Variants in AGO3 observed in about 807,000 individuals in gnomAD.
AGO3 encodes protein argonaute-3.
AGO3 carries 16 observed loss-of-function variants against 105.5 expected under a neutral mutation model. The ratio of observed to expected loss-of-function variants is 0.15; its 90% CI spans 0.10 to 0.23. The LOEUF is 0.23. AGO3 is among the 10% of genes least tolerant of loss of function. The probability of loss-of-function intolerance (pLI) is 1.00; values close to 1 mark genes in which losing one functional copy is unlikely to be tolerated. For synonymous variants in AGO3, 340 were observed against 367.3 expected (o/e 0.93, Z 0.85); for missense variants, 534 against 1,088.0 (o/e 0.49, Z 7.16).
chr1:36,049,158 A>G (rs1176383153), intron 17 of AGO3, among the ~76,000 whole-genome samples: 1 of 152,214 alleles, frequency 6.6e-6, no homozygotes, highest in Non-Finnish European at 1.5e-5. Context: ...TTGAGCACAC[A>G]TGGACATAAC....
intron 11 of AGO3, among the ~76,000 whole-genome samples, chr1:36,025,880 A>T (rs1173549544): frequency 2.6e-5 from 4 of 152,104 alleles, no homozygotes; most frequent in African/African-American, 9.7e-5. Flanking sequence ...TCTACTAAAA[A>T]TACAAAAATT....
rs550033522 is a variant in AGO3 at position 35,983,934 on chromosome 1, A to ATGGTGGGAGCTGAAAGTAAGAG, written c.658+10426_658+10447dup. On this transcript the variant is annotated intron_variant, in intron 5 of 18. Coordinates refer to ENST00000373191, the MANE Select transcript of AGO3 (RefSeq NM_024852.4). Reference sequence around the variant, plus strand: ...AGAAATTTAGGTATGAAAATCTATAATGGTGGGAGCTGAAAGTAAGAGTGT... The same window carrying ATGGTGGGAGCTGAAAGTAAGAG: ...AGAAATTTAGGTATGAAAATCTATAATGGTGGGAGCTGAAAGTAAGAGTGGTGGGAGCTGAAAGTAAGAGTGT... 2.8e-4 allele frequency among the ~76,000 whole-genome samples: 43 copies of ATGGTGGGAGCTGAAAGTAAGAG among 152,334 alleles called. No homozygotes were observed. In the East Asian group the frequency reaches 8.1e-3, roughly 29 times the overall value.
chr1:35,956,207 C>A (rs1453808444), intron 2 of AGO3, among the ~76,000 whole-genome samples: 1 of 152,002 alleles, frequency 6.6e-6, no homozygotes, highest in Non-Finnish European at 1.5e-5. Context: ...AAAGAATGAA[C>A]AATTTAGGTA....
At chr1:35,990,607 A>G (rs1557668924) in intron 5 of AGO3, among the ~76,000 whole-genome samples, 1 of 152,260 alleles carries the variant, frequency 6.6e-6, no homozygotes, top group Admixed American at 6.5e-5. Context: ...AAGTAGGCAG[A>G]ATATGTAAAT....
intron 11 of AGO3, among the ~76,000 whole-genome samples, chr1:36,019,191 A>T (rs1468513380): frequency 6.6e-6 from 1 of 152,124 alleles, no homozygotes; most frequent in Admixed American, 6.6e-5. Context: ...GTGAAAATAC[A>T]CTTTGGCATA....
intron 2 of AGO3, among the ~76,000 whole-genome samples, chr1:35,959,660 C>T (rs1458358058): frequency 6.6e-6 from 1 of 152,046 alleles, no homozygotes; most frequent in Non-Finnish European, 1.5e-5. Context: ...TGTATTTGAA[C>T]AAAAGATTCC....
chr1:36,005,648 T>C, intron 6 of AGO3: 1 of 904,758 alleles, frequency 1.1e-6, no homozygotes. Flanking sequence ...TTACCACCTC[T>C]GATATCATGA....
At chr1:35,942,036 A>G (rs1253675871) in intron 1 of AGO3, among the ~76,000 whole-genome samples, 9 of 152,226 alleles carry the variant, frequency 5.9e-5, no homozygotes, top group Non-Finnish European at 1.2e-4. Flanking sequence ...GTGACAGTCA[A>G]ATGATTAGAT....
rs1447551595 is a variant in AGO3, at chr1:36,066,041, A to T, written c.*10296A>T. On this transcript the variant is annotated 3_prime_UTR_variant, in exon 19 of 19. Coordinates refer to ENST00000373191, the MANE Select transcript of AGO3 (RefSeq NM_024852.4). ...GGCAACAGAGTGAGACTCTGTCTCA[A>T]AAAAAAAAAAAAATCGTTGTGCAGT... The T allele has an allele frequency of 6.8e-6, 1 of 147,798 alleles. No homozygotes were observed. The highest frequency in any genetic ancestry group is 1.5e-5 in the Non-Finnish European group (1 of 66,886). The allele number at this position is 147,798 out of a possible 1,614,324, so 9.2% of individuals were successfully genotyped here.
intron 5 of AGO3, among the ~76,000 whole-genome samples, chr1:35,983,796 G>C (rs746966490): frequency 1.1e-4 from 17 of 152,152 alleles, no homozygotes; most frequent in Non-Finnish European, 7.3e-5. Context: ...TGAATATGGA[G>C]GTAGATCTGC....
chr1:36,050,628 C>T (rs1569947686), intron 17 of AGO3, among the ~76,000 whole-genome samples: 3 of 151,508 alleles, frequency 2.0e-5, no homozygotes, highest in Non-Finnish European at 4.4e-5. Context: ...CCCGTCTCTA[C>T]TAAAAATACA....
chr1:35,960,965 A>G lies in AGO3; in HGVS notation c.192-5990A>G, dbSNP rs182216554. On this transcript the variant is annotated intron_variant, in intron 2 of 18. Transcript: ENST00000373191. ...TTTTTTATTTTTATTTTTTTTTGAG[A>G]TGGAGTCTCGCTCTGATGCCCAGGG... Among the ~76,000 whole-genome samples the G allele has an allele frequency of 6.2e-5, 9 of 145,130 alleles. No homozygotes were observed. In the East Asian group the frequency reaches 1.8e-3, roughly 29 times the overall value.
intron 5 of AGO3, among the ~76,000 whole-genome samples, chr1:35,980,637 C>A (rs1169644063): frequency 6.6e-6 from 1 of 152,148 alleles, no homozygotes; most frequent in Non-Finnish European, 1.5e-5. Flanking sequence ...CACACTTTTT[C>A]CTTGAGTACC....
At chr1:35,975,592 G>A in intron 5 of AGO3, among the ~76,000 whole-genome samples, 1 of 151,868 alleles carries the variant, frequency 6.6e-6, no homozygotes, top group East Asian at 1.9e-4. Flanking sequence ...TTGTATGTTG[G>A]TGTGTGCACA....
At chr1:36,053,560 C>G (rs984850106) in intron 17 of AGO3, among the ~76,000 whole-genome samples, 4 of 151,828 alleles carry the variant, frequency 2.6e-5, no homozygotes, top group Non-Finnish European at 5.9e-5. Flanking sequence ...CAGGTGTGAG[C>G]CACCACACCC....
At chr1:36,032,970 CA>C (rs1247853406) in intron 12 of AGO3, among the ~76,000 whole-genome samples, 122 of 141,794 alleles carry the variant, frequency 8.6e-4, no homozygotes, top group Non-Finnish European at 7.8e-4. Flanking sequence ...ACTAAAAATA[CA>C]AAAAAAAAAA....
At chr1:35,950,035 A>G (rs1646440592) in intron 2 of AGO3, among the ~76,000 whole-genome samples, 1 of 152,158 alleles carries the variant, frequency 6.6e-6, no homozygotes, top group African/African-American at 2.4e-5. Context: ...ATCCTGGCCA[A>G]CATGGTGAAA....
At chr1:35,997,274 A>AT in intron 5 of AGO3, among the ~76,000 whole-genome samples, 2 of 152,208 alleles carry the variant, frequency 1.3e-5, no homozygotes, top group Admixed American at 1.3e-4. Context: ...GTGAGACTCC[A>AT]TCTCAGCAAA....
chr1:36,004,189 A>G (rs1640237028), intron 5 of AGO3, 152 bp from the exon 6 acceptor site: 1 of 690,466 alleles, frequency 1.4e-6, no homozygotes, highest in South Asian at 3.3e-5. Flanking sequence ...CAGAGGTCAA[A>G]TTAAAACTGC....
Sources: allele counts gnomAD v4.1 joint callset (sites outside exome capture counted in the v4.1 genomes callset), GRCh38; gene constraint gnomAD v4.1.1; transcripts MANE v1.5; gene names NCBI Gene and HGNC (gene_info 2026-07-23, HGNC 2026-07-21).